Variants in RIMKLB observed in about 807,000 individuals in gnomAD.
The protein encoded by RIMKLB is beta-citrylglutamate synthase B.
A neutral mutation model predicts 32.0 loss-of-function variants in RIMKLB; 7 were observed. The ratio of observed to expected loss-of-function variants is 0.22; its 90% CI spans 0.12 to 0.41. The LOEUF (loss-of-function observed/expected upper bound fraction) is 0.41. RIMKLB is among the 10% of genes least tolerant of loss of function. RIMKLB has a pLI of 1.00. For missense variants in RIMKLB, 289 were observed against 498.7 expected (o/e 0.58, Z 4.00); for synonymous variants, 172 against 185.1 (o/e 0.93, Z 0.57).
intron 1 of RIMKLB, among the ~76,000 whole-genome samples, chr12:8,713,505 C>T (rs1242765151): frequency 6.6e-6 from 1 of 152,046 alleles, no homozygotes; most frequent in Non-Finnish European, 1.5e-5. Context: ...AAAGTATATT[C>T]CTAGACAATA....
chr12:8,697,129 T>C (rs1359911765), upstream of RIMKLB: 2 of 152,208 alleles, frequency 1.3e-5, no homozygotes, highest in African/African-American at 2.4e-5. Context: ...CTCTTTTATC[T>C]TTTCACAACA....
intron 2 of RIMKLB, among the ~76,000 whole-genome samples, chr12:8,722,371 G>T (rs1565577060): frequency 6.6e-6 from 1 of 152,122 alleles, no homozygotes; most frequent in Admixed American, 6.5e-5. Context: ...ATTTTGAAAG[G>T]AATATTTTTT....
chr12:8,681,992 T>C (rs1326227465), intron 1 of RIMKLB, among the ~76,000 whole-genome samples: 1 of 152,062 alleles, frequency 6.6e-6, no homozygotes, highest in East Asian at 1.9e-4. Flanking sequence ...TTGTGGGATC[T>C]GACATTGACT....
chr12:8,701,490 C>T (rs937249643), intron 1 of RIMKLB, among the ~76,000 whole-genome samples: 2 of 152,042 alleles, frequency 1.3e-5, no homozygotes, highest in Non-Finnish European at 2.9e-5. Context: ...GCCAGCTCTA[C>T]TCCCCTAGAG....
At chr12:8,730,480 A>G (rs954316978) in intron 2 of RIMKLB, among the ~76,000 whole-genome samples, 6 of 152,208 alleles carry the variant, frequency 3.9e-5, no homozygotes, top group Admixed American at 6.5e-5. Flanking sequence ...GTCTCCAGCT[A>G]TAATAGCTTG....
At chr12:8,725,283 A>T (rs113784530) in intron 2 of RIMKLB, among the ~76,000 whole-genome samples, 4,892 of 151,376 alleles carry the variant, frequency 0.032, 260 homozygotes, top group African/African-American at 0.11. Context: ...TCTTTTTTTT[A>T]TTATTATTTT....
upstream of RIMKLB, among the ~76,000 whole-genome samples, chr12:8,680,503 TG>T (rs1328168430): frequency 6.6e-6 from 1 of 152,196 alleles, no homozygotes; most frequent in Non-Finnish European, 1.5e-5. Flanking sequence ...ACCATAAAAT[TG>T]GGCAACCAGT....
At chr12:8,780,096 A>G (rs1592057105), downstream of RIMKLB, 1 of 152,244 alleles carries the variant, frequency 6.6e-6, no homozygotes, top group African/African-American at 2.4e-5. Context: ...AGTCCAGAAC[A>G]TTGAAAACTC....
chr12:8,744,507 A>G (rs1162150703), intron 2 of RIMKLB, among the ~76,000 whole-genome samples: 1 of 151,874 alleles, frequency 6.6e-6, no homozygotes, highest in African/African-American at 2.4e-5. Flanking sequence ...TTTCTTGACA[A>G]TTTACATTGT....
chr12:8,694,387 A>ATTTTTTTT (rs769859426), upstream of RIMKLB, among the ~76,000 whole-genome samples: 403 of 119,038 alleles, frequency 3.4e-3, 35 homozygotes, highest in African/African-American at 0.012. Context: ...ATCCTGTTGA[A>ATTTTTTTT]TTTTTTTTCT....
chr12:8,746,254 T>G (rs1250992788), intron 2 of RIMKLB, among the ~76,000 whole-genome samples: 3 of 151,690 alleles, frequency 2.0e-5, no homozygotes, highest in African/African-American at 4.9e-5. Context: ...TTTTTTTCAA[T>G]TTTTAGAATG....
Position 8,776,803 on chromosome 12 carries a change from G to C in RIMKLB, c.*3019G>C. 3.0e-6 allele frequency: 3 copies of C among 985,550 alleles called. No individual in the cohort carries two copies. The highest frequency in any genetic ancestry group is 3.6e-6 in the Non-Finnish European group (3 of 829,832). The allele number at this position is 985,550 out of a possible 1,614,324, so 61.1% of individuals were successfully genotyped here. On this transcript the variant is annotated 3_prime_UTR_variant, in exon 6 of 6. Coordinates refer to ENST00000535829, the MANE Select transcript of RIMKLB (RefSeq NM_001297776.2). ...GGAACAGTAGAAAAACCCAACAAGAGACTTGGCATTCATCAAGCACATTAT... is the reference window on the plus strand; with the variant it reads ...GGAACAGTAGAAAAACCCAACAAGACACTTGGCATTCATCAAGCACATTAT...
intron 1 of RIMKLB, among the ~76,000 whole-genome samples, chr12:8,701,038 C>T (rs776477348): frequency 1.3e-5 from 2 of 151,950 alleles, no homozygotes; most frequent in East Asian, 3.9e-4. Context: ...TGCACTCCAG[C>T]TTGGGCAACA....
chr12:8,781,483 T>C (rs1432720554), downstream of RIMKLB, among the ~76,000 whole-genome samples: 1 of 152,236 alleles, frequency 6.6e-6, no homozygotes, highest in African/African-American at 2.4e-5. Context: ...GACCCATTTC[T>C]TTGTCACTGT....
intron 5 of RIMKLB, among the ~76,000 whole-genome samples, chr12:8,756,006 G>C (rs1565404952): frequency 6.6e-6 from 1 of 151,872 alleles, no homozygotes; most frequent in Admixed American, 6.6e-5. Flanking sequence ...ATATAAAGTT[G>C]GCCAGGTGCA....
chr12:8,703,441 C>G, intron 1 of RIMKLB, among the ~76,000 whole-genome samples: 1 of 152,196 alleles, frequency 6.6e-6, no homozygotes, highest in East Asian at 1.9e-4. Context: ...GAACCCCCTG[C>G]CTCAGCCTCT....
chr12:8,777,215 C>CTTTTGTTTTTTT, downstream of RIMKLB: 1 of 644,908 alleles, frequency 1.6e-6, no homozygotes, highest in Non-Finnish European at 1.8e-6. Flanking sequence ...TGCTTGCTTT[C>CTTTTGTTTTTTT]TTTTTTTTTT....
intron 5 of RIMKLB, among the ~76,000 whole-genome samples, chr12:8,770,497 C>G (rs1008923602): frequency 6.6e-6 from 1 of 152,136 alleles, no homozygotes; most frequent in Non-Finnish European, 1.5e-5. Context: ...GCAAAGTACT[C>G]ACCATGGTTT....
intron 1 of RIMKLB, among the ~76,000 whole-genome samples, chr12:8,686,604 C>A (rs1320787190): frequency 6.6e-6 from 1 of 152,076 alleles, no homozygotes; most frequent in African/African-American, 2.4e-5. Context: ...CTCAGCCTCG[C>A]AAGTAGCTGG....
Sources: gnomAD v4.1 joint callset for allele counts (sites outside exome capture counted in the v4.1 genomes callset) on GRCh38, gnomAD v4.1.1 for gene constraint, MANE v1.5 for transcripts, NCBI Gene and HGNC (gene_info 2026-07-23, HGNC 2026-07-21) for gene names.